KCNJ6: variants seen among roughly 807,000 people sequenced by gnomAD.
KCNJ6 encodes the protein potassium inwardly rectifying channel subfamily J member 6.
KCNJ6 carries 9 observed loss-of-function variants against 34.2 expected under a neutral mutation model. The ratio of observed to expected loss-of-function variants is 0.26; its 90% CI spans 0.16 to 0.46. The LOEUF is 0.46. Among genes scored for constraint, KCNJ6 ranks in the 20% least tolerant of loss-of-function variants. KCNJ6 has a pLI of 1.00. For missense variants in KCNJ6, 236 were observed against 531.3 expected, an observed-to-expected ratio of 0.44 and a Z score of 5.46; for synonymous variants, 196 against 207.1, an observed-to-expected ratio of 0.95 and a Z score of 0.46.
intron 2 of KCNJ6, among the ~76,000 whole-genome samples, chr21:37,725,780 T>C (rs550117438): frequency 1.3e-5 from 2 of 152,366 alleles, no homozygotes; most frequent in South Asian, 2.1e-4. Flanking sequence ...AGAGCATTGG[T>C]TAAACATACT....
At chr21:37,869,036 T>C (rs1950394578) in intron 1 of KCNJ6, among the ~76,000 whole-genome samples, 1 of 152,206 alleles carries the variant, frequency 6.6e-6, no homozygotes, top group Non-Finnish European at 1.5e-5. Context: ...GGCCCTGGGA[T>C]AGAGAGCCAG....
chr21:37,707,739 A>ATTTGTGTGTGCATGTGT (rs1556022161), intron 3 of KCNJ6, among the ~76,000 whole-genome samples: 1 of 3,460 alleles, frequency 2.9e-4, no homozygotes, highest in Non-Finnish European at 5.5e-4. Context: ...GTGTGTGAAT[A>ATTTGTGTGTGCATGTGT]ATTTACATAG....
rs545795107 is a variant in KCNJ6 at position 37,727,705 on chromosome 21, G to C, written c.26-12574C>G. 2.6e-5 allele frequency among the ~76,000 whole-genome samples: 4 copies of C among 152,296 alleles called. No individual in the cohort carries two copies. The East Asian group carries it at 7.7e-4, about 29-fold the overall frequency. On this transcript the variant is annotated intron_variant, in intron 2 of 3. Transcript: ENST00000609713. ...AGGAGGGTAGGCTCAAATGGAAAAAGTGATGAACTTCATCCCAGAGTGGTG... is the reference window on the plus strand; with the variant it reads ...AGGAGGGTAGGCTCAAATGGAAAAACTGATGAACTTCATCCCAGAGTGGTG...
chr21:37,819,027 A>G (rs972516276), intron 2 of KCNJ6, among the ~76,000 whole-genome samples: 3 of 152,190 alleles, frequency 2.0e-5, no homozygotes, highest in Non-Finnish European at 4.4e-5. Context: ...TCACCCCTAG[A>G]ACTCTTTTTG....
intron 2 of KCNJ6, among the ~76,000 whole-genome samples, chr21:37,718,260 G>A (rs1019846426): frequency 2.6e-5 from 4 of 152,220 alleles, no homozygotes; most frequent in African/African-American, 9.6e-5. Flanking sequence ...CATGGGTGGA[G>A]AGCTGCTATC....
chr21:37,678,225 G>A (rs953685584), intron 3 of KCNJ6, among the ~76,000 whole-genome samples: 1 of 152,190 alleles, frequency 6.6e-6, no homozygotes, highest in Admixed American at 6.5e-5. Context: ...GACAGCTAGT[G>A]AGTGATTCGT....
intron 1 of KCNJ6, among the ~76,000 whole-genome samples, chr21:37,846,497 TC>T (rs982295172): frequency 1.3e-5 from 2 of 151,470 alleles, no homozygotes; most frequent in African/African-American, 2.4e-5. Flanking sequence ...TGCATGGGGC[TC>T]CCTCAGACAG....
rs759059039 is a variant in KCNJ6, at chr21:37,624,060, C to T, written c.*1099G>A. 20 of 152,114 alleles carry T rather than the reference C, an allele frequency of 1.3e-4. No individual in the cohort carries two copies. The highest frequency in any genetic ancestry group is 2.4e-4 in the Non-Finnish European group (16 of 68,034). The allele number at this position is 152,114 out of a possible 1,614,324, so 9.4% of individuals were successfully genotyped here. A position where few individuals can be genotyped will look rare whatever the true frequency, so the allele number is the denominator to read the frequency against. On this transcript the variant is annotated 3_prime_UTR_variant, in exon 4 of 4. Transcript: ENST00000609713. ...AATCAATGGTTTTGCAGAAAAGTTT[C>T]CTAAATTATTGTACTACAAAGGGCA...
At chr21:37,669,698 T>G (rs2054533317) in intron 3 of KCNJ6, among the ~76,000 whole-genome samples, 1 of 131,860 alleles carries the variant, frequency 7.6e-6, no homozygotes, top group Non-Finnish European at 1.7e-5. Flanking sequence ...GAGCTTACAA[T>G]AAGGAAATAT....
chr21:37,841,088 A>G (rs1323140266), intron 1 of KCNJ6, among the ~76,000 whole-genome samples: 1 of 151,896 alleles, frequency 6.6e-6, no homozygotes, highest in African/African-American at 2.4e-5. Context: ...TGGAGTTGAT[A>G]TTTTTGTAGT....
chr21:37,723,110 G>A (rs547238388), intron 2 of KCNJ6, among the ~76,000 whole-genome samples: 1 of 152,128 alleles, frequency 6.6e-6, no homozygotes, highest in Admixed American at 6.5e-5. Context: ...TTAACAAGTG[G>A]GCAACAGACA....
At chr21:37,777,926 C>T (rs1207198736) in intron 2 of KCNJ6, among the ~76,000 whole-genome samples, 3 of 152,140 alleles carry the variant, frequency 2.0e-5, no homozygotes, top group African/African-American at 7.2e-5. Flanking sequence ...ACACCTGGAG[C>T]CCACGGAGGC....
In KCNJ6 at chr21:37,612,692, T is replaced by A. The variant is rs536078115; in HGVS notation, c.*12467A>T. The A allele has an allele frequency of 1.3e-5, 2 of 148,186 alleles. No homozygotes were observed. Among genetic ancestry groups the A allele is most frequent in the South Asian group, 4.3e-4 (2 of 4,660 alleles). 9.2% of individuals were successfully genotyped at this position (148,186 alleles called of 1,614,324 possible). On this transcript the variant is annotated 3_prime_UTR_variant, in exon 4 of 4. Coordinates refer to ENST00000609713, the MANE Select transcript of KCNJ6 (RefSeq NM_002240.5). ...AAGAGGGTCTTTTCAACAAACGGTG[T>A]TGAAATAGCTGCACATTTGCACATC...
chr21:37,893,140 C>T (rs1381283099), intron 1 of KCNJ6, among the ~76,000 whole-genome samples: 1 of 151,708 alleles, frequency 6.6e-6, no homozygotes, highest in Admixed American at 6.6e-5. Context: ...AGCCTTGAGC[C>T]ACCGCACCCG....
intron 2 of KCNJ6, among the ~76,000 whole-genome samples, chr21:37,831,128 G>A (rs1269908435): frequency 6.6e-6 from 1 of 152,200 alleles, no homozygotes; most frequent in Non-Finnish European, 1.5e-5. Context: ...AGGTAGGTAG[G>A]ATCTCTGATT....
chr21:37,753,524 G>A (rs1015481386), intron 2 of KCNJ6, among the ~76,000 whole-genome samples: 3 of 146,912 alleles, frequency 2.0e-5, no homozygotes, highest in East Asian at 2.0e-4. Flanking sequence ...CTAGAGAGCC[G>A]GACAGCAGGC....
intron 2 of KCNJ6, among the ~76,000 whole-genome samples, chr21:37,745,724 C>T (rs1389208004): frequency 1.3e-5 from 2 of 152,174 alleles, no homozygotes; most frequent in Non-Finnish European, 2.9e-5. Flanking sequence ...ACACTGAACA[C>T]CTGCTATGTG....
At chr21:37,832,409 C>A (rs958516279) in intron 2 of KCNJ6, among the ~76,000 whole-genome samples, 1 of 152,046 alleles carries the variant, frequency 6.6e-6, no homozygotes, top group Non-Finnish European at 1.5e-5. Context: ...CAACGTCTTC[C>A]TCGGCCCTTA....
chr21:37,785,809 G>C (rs1381320296), intron 2 of KCNJ6, among the ~76,000 whole-genome samples: 1 of 152,218 alleles, frequency 6.6e-6, no homozygotes, highest in Non-Finnish European at 1.5e-5. Context: ...GGTAGAGCCA[G>C]AGATTATTGG....
Sources: gnomAD v4.1 joint callset for allele counts (sites outside exome capture counted in the v4.1 genomes callset) on GRCh38, gnomAD v4.1.1 for gene constraint, MANE v1.5 for transcripts, NCBI Gene and HGNC (gene_info 2026-07-23, HGNC 2026-07-21) for gene names.